The following KIF6 variants were observed in gnomAD, a reference collection of about 807,000 sequenced individuals.
The protein encoded by KIF6 is kinesin-like protein KIF6.
Under a neutral mutation model 112.7 loss-of-function variants are expected in KIF6, and 106 were observed. The ratio of observed to expected loss-of-function variants is 0.94; its 90% CI spans 0.80 to 1.11. KIF6 has a LOEUF of 1.11. KIF6 is among the 50% of genes least tolerant of loss of function. The probability of loss-of-function intolerance (pLI) is 0.00; values close to 1 mark genes in which losing one functional copy is unlikely to be tolerated. For missense variants in KIF6, 929 were observed against 964.0 expected (o/e 0.96, Z 0.48); for synonymous variants, 339 against 339.9 (o/e 1.00, Z 0.03).
intron 19 of KIF6, among the ~76,000 whole-genome samples, chr6:39,351,233 T>C (rs991093878): frequency 1.3e-5 from 2 of 151,024 alleles, no homozygotes; most frequent in Admixed American, 6.6e-5. Flanking sequence ...TTCTTTCTTT[T>C]TTTTTTCTCT....
chr6:39,626,195 T>A (rs576123176), intron 5 of KIF6, among the ~76,000 whole-genome samples: 6 of 152,164 alleles, frequency 3.9e-5, no homozygotes, highest in Non-Finnish European at 5.9e-5. Context: ...TCACTTACTA[T>A]GCACAACTGA....
intron 10 of KIF6, among the ~76,000 whole-genome samples, chr6:39,565,970 G>A (rs1699756394): frequency 6.6e-6 from 1 of 152,196 alleles, no homozygotes; most frequent in Non-Finnish European, 1.5e-5. Context: ...ACAAAGAGAT[G>A]CAGAGAATTC....
chr6:39,606,389 T>G (rs1782890054), intron 6 of KIF6, among the ~76,000 whole-genome samples: 1 of 152,142 alleles, frequency 6.6e-6, no homozygotes, highest in African/African-American at 2.4e-5. Context: ...TTAATCAGCC[T>G]TCAGATGTAT....
At chr6:39,455,861 G>A (rs1271092608) in intron 13 of KIF6, among the ~76,000 whole-genome samples, 2 of 135,568 alleles carry the variant, frequency 1.5e-5, no homozygotes, top group Non-Finnish European at 3.2e-5. Context: ...CAAGAAATAT[G>A]GGACTATGTG....
intron 3 of KIF6, among the ~76,000 whole-genome samples, chr6:39,706,068 G>T (rs139640801): frequency 2.0e-5 from 3 of 152,100 alleles, no homozygotes; most frequent in Non-Finnish European, 2.9e-5. Flanking sequence ...TCCAAGTAAC[G>T]CTTTTTATTT....
intron 19 of KIF6, among the ~76,000 whole-genome samples, chr6:39,356,051 T>C (rs959010928): frequency 6.6e-6 from 1 of 150,924 alleles, no homozygotes; most frequent in African/African-American, 2.4e-5. Flanking sequence ...GTGGTGTGTC[T>C]CCCTAGGCTC....
rs186112632 is a variant in KIF6, at chr6:39,657,241, A to G, written c.252-17484T>C. Among the ~76,000 whole-genome samples, 1,156 of 144,698 alleles carry G rather than the reference A, an allele frequency of 8.0e-3. 10 individuals carry two copies. The highest frequency in any genetic ancestry group is 0.031 in the African/African-American group (1,076 of 34,252). 94.9% of individuals were successfully genotyped at this position (144,698 alleles called of 152,430 possible). On this transcript the variant is annotated intron_variant, in intron 3 of 22. Coordinates refer to ENST00000287152, the MANE Select transcript of KIF6 (RefSeq NM_145027.6). ...AGAGCGAAACTCCATCTCAAAAAAA[A>G]AAGAAAAAAGAAAAAAAAAAAGGTT...
intron 10 of KIF6, among the ~76,000 whole-genome samples, chr6:39,568,205 T>C (rs1582154597): frequency 6.6e-6 from 1 of 152,144 alleles, no homozygotes; most frequent in East Asian, 1.9e-4. Context: ...ACTGCTGCTA[T>C]AAACGAAAAT....
chr6:39,347,568 C>T (rs1224049365), intron 19 of KIF6, among the ~76,000 whole-genome samples: 6 of 152,220 alleles, frequency 3.9e-5, no homozygotes, highest in Admixed American at 2.0e-4. Flanking sequence ...GGAGATCTTC[C>T]TCGCTTCCTG....
intron 14 of KIF6, among the ~76,000 whole-genome samples, chr6:39,423,760 G>A (rs1424674119): frequency 1.3e-5 from 2 of 151,958 alleles, no homozygotes; most frequent in African/African-American, 4.8e-5. Flanking sequence ...CTCTCCATTA[G>A]CGCCTTCCCT....
chr6:39,500,631 A>G (rs1335696567), intron 13 of KIF6, among the ~76,000 whole-genome samples: 2 of 152,224 alleles, frequency 1.3e-5, no homozygotes, highest in Admixed American at 6.5e-5. Context: ...AATGAGGACA[A>G]CAATGTTACT....
chr6:39,432,052 G>T (rs757584358), intron 13 of KIF6, among the ~76,000 whole-genome samples: 2 of 151,612 alleles, frequency 1.3e-5, no homozygotes, highest in Non-Finnish European at 1.5e-5. Context: ...TGGAGCTTTC[G>T]TCAAAGCCCA....
chr6:39,474,542 T>C (rs975044020), intron 13 of KIF6, among the ~76,000 whole-genome samples: 2 of 152,242 alleles, frequency 1.3e-5, no homozygotes, highest in East Asian at 3.8e-4. Flanking sequence ...CTTATAAACC[T>C]TGTATTTCAC....
At chr6:39,715,850 T>C (rs1789819488) in intron 2 of KIF6, among the ~76,000 whole-genome samples, 1 of 152,200 alleles carries the variant, frequency 6.6e-6, no homozygotes, top group Non-Finnish European at 1.5e-5. Flanking sequence ...AGATTGCTTC[T>C]CAAAACTCTA....
intron 6 of KIF6, among the ~76,000 whole-genome samples, chr6:39,603,034 TA>T (rs200205575): frequency 0.022 from 3,289 of 152,256 alleles, 58 homozygotes; most frequent in Non-Finnish European, 0.032. Flanking sequence ...CAAATGTTCA[TA>T]AAAAAATCCA....
At chr6:39,438,942 T>A (rs2150392438) in intron 13 of KIF6, among the ~76,000 whole-genome samples, 1 of 152,378 alleles carries the variant, frequency 6.6e-6, no homozygotes, top group South Asian at 2.1e-4. Flanking sequence ...ACCATTGTGT[T>A]ACAATTGCCT....
chr6:39,463,228 C>T (rs1773582674), intron 13 of KIF6, among the ~76,000 whole-genome samples: 1 of 152,148 alleles, frequency 6.6e-6, no homozygotes, highest in Admixed American at 6.6e-5. Flanking sequence ...TAAGCTCCCC[C>T]ATTTTCTCTC....
chr6:39,419,505 C>T (rs1320532739), intron 15 of KIF6, among the ~76,000 whole-genome samples: 2 of 152,112 alleles, frequency 1.3e-5, no homozygotes, highest in Non-Finnish European at 2.9e-5. Context: ...GTTTTTGCTT[C>T]TTATCCTTCC....
chr6:39,614,431 C>CAT (rs1332792469), intron 5 of KIF6, among the ~76,000 whole-genome samples: 3 of 152,086 alleles, frequency 2.0e-5, no homozygotes, highest in Non-Finnish European at 4.4e-5. Flanking sequence ...TTTATAAAAA[C>CAT]TTATTAAGAA....
Sources: gnomAD v4.1 joint callset for allele counts (sites outside exome capture counted in the v4.1 genomes callset) on GRCh38, gnomAD v4.1.1 for gene constraint, MANE v1.5 for transcripts, NCBI Gene and HGNC (gene_info 2026-07-23, HGNC 2026-07-21) for gene names.